MAPRE3: variants seen among roughly 807,000 people sequenced by gnomAD.
The protein encoded by MAPRE3 is microtubule associated protein RP/EB family member 3.
Under a neutral mutation model 30.5 loss-of-function variants are expected in MAPRE3, and 2 were observed. The ratio of observed to expected loss-of-function variants is 0.07; its 90% confidence interval spans 0.03 to 0.21. MAPRE3 has a LOEUF of 0.21. Ranked by LOEUF, MAPRE3 falls within the 10% of genes least tolerant of loss-of-function variation. MAPRE3 has a pLI of 1.00. For synonymous variants in MAPRE3, 110 were observed against 127.7 expected, an observed-to-expected ratio of 0.86 and a Z score of 0.93; for missense variants, 204 against 351.8, an observed-to-expected ratio of 0.58 and a Z score of 3.36.
chr2:26,974,285 T>C (rs1665972769), intron 1 of MAPRE3, among the ~76,000 whole-genome samples: 1 of 152,256 alleles, frequency 6.6e-6, no homozygotes, highest in Non-Finnish European at 1.5e-5. Flanking sequence ...TCTGAGATGC[T>C]GCACAGCCAG....
chr2:26,973,909 C>T (rs1665965996), intron 1 of MAPRE3, among the ~76,000 whole-genome samples: 1 of 152,184 alleles, frequency 6.6e-6, no homozygotes, highest in African/African-American at 2.4e-5. Flanking sequence ...CTTACAGATA[C>T]ATTTGTAAAG....
chr2:26,987,307 C>T (rs753194104), intron 1 of MAPRE3, among the ~76,000 whole-genome samples: 1 of 152,130 alleles, frequency 6.6e-6, no homozygotes, highest in African/African-American at 2.4e-5. Context: ...TAACTCTCAG[C>T]ATTAAAATTA....
chr2:26,991,054 C>G (rs1185897565), intron 1 of MAPRE3, among the ~76,000 whole-genome samples: 3 of 152,298 alleles, frequency 2.0e-5, no homozygotes, highest in South Asian at 2.1e-4. Context: ...CAGATTGAGA[C>G]CATCCTGGCT....
chr2:27,021,939 C>G (rs1023019929), intron 1 of MAPRE3, among the ~76,000 whole-genome samples: 2 of 152,196 alleles, frequency 1.3e-5, no homozygotes, highest in African/African-American at 4.8e-5. Context: ...CCTCATCACT[C>G]CCTACTGAGG....
chr2:27,014,836 A>C (rs1666946242), intron 1 of MAPRE3: 1 of 152,414 alleles, frequency 6.6e-6, no homozygotes. Context: ...TTTTCCAAAC[A>C]GGTGACTTCA....
At chr2:27,010,694 C>T (rs549365309) in intron 1 of MAPRE3, among the ~76,000 whole-genome samples, 3 of 152,092 alleles carry the variant, frequency 2.0e-5, no homozygotes, top group Non-Finnish European at 4.4e-5. Flanking sequence ...CCACCTGTCT[C>T]GGCCTCCCAA....
intron 6 of MAPRE3, 42 bp from the exon 7 acceptor site, chr2:27,026,229 CCCTGCCTGG>C (rs750503336): frequency 6.5e-6 from 10 of 1,550,074 alleles, no homozygotes; most frequent in Non-Finnish European, 8.8e-6. Context: ...ACCTGAGAAG[CCCTGCCTGG>C]CCTGCCTGGC....
At chr2:26,989,775 G>A (rs920434) in intron 1 of MAPRE3, among the ~76,000 whole-genome samples, 149,814 of 152,320 alleles carry the variant, frequency 0.98, 73,721 homozygotes, top group East Asian at 1. Context: ...GTGAATACTC[G>A]CTATCACATA....
chr2:26,973,578 C>T (rs899475437), intron 1 of MAPRE3, among the ~76,000 whole-genome samples: 3 of 147,862 alleles, frequency 2.0e-5, no homozygotes, highest in African/African-American at 2.5e-5. Flanking sequence ...GACGGAGTCT[C>T]GCTCTGTCGC....
chr2:27,003,600 A>T (rs965893096), intron 1 of MAPRE3, among the ~76,000 whole-genome samples: 2 of 152,222 alleles, frequency 1.3e-5, no homozygotes, highest in African/African-American at 4.8e-5. Flanking sequence ...TTTATGAAGC[A>T]TCTGTTATCG....
At chr2:26,975,414 G>A (rs1223379650) in intron 1 of MAPRE3, among the ~76,000 whole-genome samples, 1 of 152,178 alleles carries the variant, frequency 6.6e-6, no homozygotes, top group Non-Finnish European at 1.5e-5. Context: ...ATTTTGGATG[G>A]AGAGAATTAC....
intron 1 of MAPRE3, among the ~76,000 whole-genome samples, chr2:27,016,470 C>T (rs1030992707): frequency 2.6e-5 from 4 of 151,068 alleles, no homozygotes; most frequent in East Asian, 1.9e-4. Context: ...CTGCAAGCTC[C>T]GCCTCCCGGG....
At chr2:27,024,900 C>T (rs1667201798) in intron 4 of MAPRE3, among the ~76,000 whole-genome samples, 1 of 152,158 alleles carries the variant, frequency 6.6e-6, no homozygotes, top group South Asian at 2.1e-4. Context: ...CGGACCCCGT[C>T]ATAGCAGAGC....
At chr2:26,979,609 C>T (rs1666076486) in intron 1 of MAPRE3, among the ~76,000 whole-genome samples, 1 of 152,084 alleles carries the variant, frequency 6.6e-6, no homozygotes, top group South Asian at 2.1e-4. Flanking sequence ...CAAGACTTCA[C>T]AAAGGAAGCA....
intron 1 of MAPRE3, among the ~76,000 whole-genome samples, chr2:27,005,185 T>G (rs776476534): frequency 6.6e-6 from 1 of 152,114 alleles, no homozygotes; most frequent in African/African-American, 2.4e-5. Flanking sequence ...AGTCACAGAT[T>G]TAGACAAAAA....
chr2:27,000,716 G>C (rs942227618), intron 1 of MAPRE3, among the ~76,000 whole-genome samples: 3 of 152,242 alleles, frequency 2.0e-5, no homozygotes, highest in African/African-American at 7.2e-5. Flanking sequence ...CTCCTAGGCC[G>C]GTGCAGCTGC....
chr2:26,993,808 A>G (rs928596223), intron 1 of MAPRE3, among the ~76,000 whole-genome samples: 14 of 152,122 alleles, frequency 9.2e-5, no homozygotes, highest in African/African-American at 2.7e-4. Flanking sequence ...TTATCCTACT[A>G]CTGTAGGCCC....
chr2:27,021,343 G>T (rs188782514), intron 1 of MAPRE3, among the ~76,000 whole-genome samples: 1 of 152,326 alleles, frequency 6.6e-6, no homozygotes, highest in East Asian at 1.9e-4. Context: ...GCATGAGGGA[G>T]AGTAAGCTGT....
At position 26,973,647 on chromosome 2, in the gene MAPRE3, CG is replaced by C. The variant is rs574823510; in HGVS notation, c.-8+2849del. Among the ~76,000 whole-genome samples the C allele has an allele frequency of 4.5e-4, 68 of 151,918 alleles. No individual in the cohort carries two copies. The South Asian group carries it at 0.012, about 27-fold the overall frequency. On this transcript the variant is annotated intron_variant, in intron 1 of 6. Coordinates refer to ENST00000233121, the MANE Select transcript of MAPRE3 (RefSeq NM_012326.4). ...TCGGCTCACTGCAAGCTCCGCTTCC[CG>C]GGGTTCACGCCATTCTCCTGCCTCA...
Sources: allele counts gnomAD v4.1 joint callset (sites outside exome capture counted in the v4.1 genomes callset), GRCh38; gene constraint gnomAD v4.1.1; transcripts MANE v1.5; gene names NCBI Gene and HGNC (gene_info 2026-07-23, HGNC 2026-07-21).